PTBP1: variants seen among roughly 807,000 people sequenced by gnomAD.
PTBP1 encodes polypyrimidine tract binding protein 1, also known as polypyrimidine tract-binding protein 1.
Under a neutral mutation model 59.8 loss-of-function variants are expected in PTBP1, and 8 were observed. That is an observed-to-expected ratio of 0.13 (90% CI 0.08 to 0.24). The LOEUF (loss-of-function observed/expected upper bound fraction) is 0.24. PTBP1 is among the 10% of genes least tolerant of loss of function. The pLI is 1.00. For missense variants in PTBP1, 686 were observed against 767.0 expected (o/e 0.89, Z 1.25); for synonymous variants, 490 against 320.7 (o/e 1.53, Z -5.64).
Position 808,668 on chromosome 19 carries a change from G to A in PTBP1, c.1369G>A (p.Gly457Ser), listed in dbSNP as rs758037603. 9.9e-6 allele frequency: 16 copies of A among 1,612,466 alleles called. 1 individual carries two copies. Among genetic ancestry groups the A allele is most frequent in the African/African-American group, 6.7e-5 (5 of 74,914 alleles). The change falls in exon 13 of 15, where the codon GGC (glycine) becomes AGC (serine). Residue 457 changes from glycine (G) to serine (S), a missense_variant. Transcript: ENST00000356948. This position sits in a 1 kb window ranked among gnomAD's most constrained non-coding sequence, Gnocchi z 4.7. ...QEDQGLTKDY[G>S]NSPLHRFKKP... is the part of the protein sequence containing the mutation. ...GGACCAGGGCCTGACCAAGGACTAC[G>A]GCAACTCACCCCTGCACCGCTTCAA...
In PTBP1 at chr19:808,613, G is replaced by T. The variant is rs200590392; in HGVS notation, c.1314G>T (p.Gln438His). ...KPIRITLSKH[Q>H]NVQLPREGQE... ...TCCGCATCACGCTCTCGAAGCACCA[G>T]AACGTGCAGCTGCCCCGCGAGGGCC... The change falls in exon 13 of 15, where the codon CAG (glutamine) becomes CAT (histidine). Residue 438 changes from glutamine to histidine, a missense_variant. Gln to His is a conservative substitution (Grantham distance 24). Coordinates refer to ENST00000356948, the MANE Select transcript of PTBP1 (RefSeq NM_002819.5). The surrounding 1 kb of genome is among the most constrained non-coding windows in gnomAD (Gnocchi z 4.7). 28 of 1,609,924 alleles carry T rather than the reference G, an allele frequency of 1.7e-5. No homozygotes were observed. Among genetic ancestry groups the T allele is most frequent in the Non-Finnish European group, 2.4e-5 (28 of 1,179,350 alleles).
chr19:805,207 G>A lies in PTBP1; in HGVS notation c.892+20G>A, dbSNP rs369478306. On this transcript the variant is annotated intron_variant, in intron 8 of 14. Coordinates refer to ENST00000356948, the MANE Select transcript of PTBP1 (RefSeq NM_002819.5). The stretch of plus-strand genomic sequence containing the variant: ...CCTTCGGTAAGAGGCTGCCCGACGC[G>A]GCGCCAGTGTGCAGAGTGGTCTATT... 31 of 1,611,570 alleles carry A rather than the reference G, an allele frequency of 1.9e-5. No homozygotes were observed. Among genetic ancestry groups the A allele is most frequent in the East Asian group, 4.5e-5 (2 of 44,848 alleles).
At chr19:805,948 G>T (rs991308731) in intron 9 of PTBP1, 4 of 294,720 alleles carry the variant, frequency 1.4e-5, no homozygotes, top group Non-Finnish European at 1.3e-5. Context: ...GCGGCGGGAC[G>T]TGTGTGCGTG....
rs1173000323 is a variant in PTBP1, at chr19:799,407, C to G, written c.9-6C>G. 2 of 1,613,850 alleles carry G rather than the reference C, an allele frequency of 1.2e-6. No homozygotes were observed. The highest frequency in any genetic ancestry group is 1.7e-5 in the Admixed American group (1 of 60,022). ...CTAACGTTGTCTCCTTTCTTTCTCT[C>G]TACAGCATTGTCCCAGATATAGCCG... On this transcript the variant is annotated splice_polypyrimidine_tract_variant and splice_region_variant and intron_variant, in intron 1 of 14. Transcript: ENST00000356948.
rs1371001202 is a variant in PTBP1 at position 811,096 on chromosome 19, G to C, written c.*270G>C. The C allele has an allele frequency of 5.6e-6, 2 of 358,262 alleles. No homozygotes were observed. Among genetic ancestry groups the C allele is most frequent in the African/African-American group, 4.2e-5 (2 of 47,080 alleles). The allele number at this position is 358,262 out of a possible 1,614,324, so 22.2% of individuals were successfully genotyped here. ...AGACCCTCGGGGCCATGCCTTGGTG[G>C]GGCCTGTGTCGGGCGTGGGGCCTGC... is the stretch of plus-strand genomic sequence containing the variant. On this transcript the variant is annotated 3_prime_UTR_variant, in exon 15 of 15. Coordinates refer to ENST00000356948, the MANE Select transcript of PTBP1 (RefSeq NM_002819.5).
intron 1 of PTBP1, among the ~76,000 whole-genome samples, chr19:798,912 G>A (rs2034201757): frequency 6.6e-6 from 1 of 152,224 alleles, no homozygotes; most frequent in African/African-American, 2.4e-5. Context: ...TTCCACGGCC[G>A]CCTCCTGCTC....
At chr19:802,915 C>T (rs898689528) in intron 2 of PTBP1, among the ~76,000 whole-genome samples, 3 of 152,236 alleles carry the variant, frequency 2.0e-5, no homozygotes, top group Non-Finnish European at 4.4e-5. Context: ...CTGTGGAGCT[C>T]CCCCGGCCCT....
At chr19:801,829 C>T (rs991353562) in intron 2 of PTBP1, among the ~76,000 whole-genome samples, 2 of 152,174 alleles carry the variant, frequency 1.3e-5, no homozygotes, top group Non-Finnish European at 2.9e-5. Flanking sequence ...GCTCTGACCC[C>T]TTTCCCCTGG....
chr19:803,636 G>C lies in PTBP1; in HGVS notation c.115G>C (p.Ala39Pro). 1.9e-6 allele frequency: 3 copies of C among 1,613,982 alleles called. No individual in the cohort carries two copies. The highest frequency in any genetic ancestry group is 2.5e-6 in the Non-Finnish European group (3 of 1,179,832). Reference sequence around the variant, plus strand: ...CATGAGCAGCAACTCGGCTTCTGCAGGTAAGGCCGGGACTCGGCCCAGGGC... The same window carrying C: ...CATGAGCAGCAACTCGGCTTCTGCACGTAAGGCCGGGACTCGGCCCAGGGC... ...FIMSSNSASA[A>P]NGNDSKKFKG... Residue 39 changes from alanine (A) to proline (P), a missense_variant and splice_region_variant, in exon 3 of 15, where the codon GCA (alanine) becomes CCA (proline). Ala to Pro is a conservative substitution (Grantham distance 27, BLOSUM62 -1). Coordinates refer to ENST00000356948, the MANE Select transcript of PTBP1 (RefSeq NM_002819.5).
rs199895783 is a variant in PTBP1, at chr19:799,469, C to T, written c.39+26C>T. ...GTAGGCACTTCTCACTTTGCTTCTC[C>T]GTGACGCTCCTCTGACCTTGTGCCG... On this transcript the variant is annotated intron_variant, in intron 2 of 14. Transcript: ENST00000356948. 5.0e-5 allele frequency: 81 copies of T among 1,612,462 alleles called. No homozygotes were observed. The African/African-American group carries it at 8.9e-4, about 18-fold the overall frequency.
At position 810,944 on chromosome 19, in the gene PTBP1, G is replaced by A. The variant is rs983269232; in HGVS notation, c.*118G>A. 9.0e-7 allele frequency: 1 copy of A among 1,113,562 alleles called. No homozygotes were observed. Among genetic ancestry groups the A allele is most frequent in the African/African-American group, 1.6e-5 (1 of 61,030 alleles). The allele number at this position is 1,113,562 out of a possible 1,614,324, so 69.0% of individuals were successfully genotyped here. A position where few individuals can be genotyped will look rare whatever the true frequency, so the allele number is the denominator to read the frequency against. On this transcript the variant is annotated 3_prime_UTR_variant, in exon 15 of 15. Coordinates refer to ENST00000356948, the MANE Select transcript of PTBP1 (RefSeq NM_002819.5). Reference sequence around the variant, plus strand: ...ACCAGAGATTTTATTTTTTTAAAGAGAAATCAGTTTACCTGTTTTTAAAAA... The same window carrying A: ...ACCAGAGATTTTATTTTTTTAAAGAAAAATCAGTTTACCTGTTTTTAAAAA...
chr19:799,280 G>T (rs776154887), intron 1 of PTBP1, 133 bp from the exon 2 acceptor site: 77 of 836,198 alleles, frequency 9.2e-5, no homozygotes, highest in Non-Finnish European at 1.5e-4. Flanking sequence ...GCGGGGCCTC[G>T]TGCAGCCAGA....
rs937525273 is a variant in PTBP1 at position 811,160 on chromosome 19, T to A, written c.*334T>A. ...GACCACGACTTGGCTTCCTTGTGCC[T>A]TAAAAAACCTGCCTTCCTGCAGCCA... On this transcript the variant is annotated 3_prime_UTR_variant, in exon 15 of 15. Coordinates refer to ENST00000356948, the MANE Select transcript of PTBP1 (RefSeq NM_002819.5). 2.8e-5 allele frequency: 6 copies of A among 211,060 alleles called. No individual in the cohort carries two copies. The highest frequency in any genetic ancestry group is 6.0e-5 in the Admixed American group (1 of 16,690). 13.1% of individuals were successfully genotyped at this position (211,060 alleles called of 1,614,324 possible). A position where few individuals can be genotyped will look rare whatever the true frequency, so the allele number is the denominator to read the frequency against.
intron 1 of PTBP1, among the ~76,000 whole-genome samples, chr19:797,871 C>A (rs2034142790): frequency 6.7e-6 from 1 of 148,902 alleles, no homozygotes; most frequent in Admixed American, 6.7e-5. Flanking sequence ...GATGGCCCTT[C>A]CCGCCTCCCG....
At chr19:803,866 AG>A (rs1568267200) in intron 3 of PTBP1, among the ~76,000 whole-genome samples, 169 bp from the exon 4 acceptor site, 1 of 152,182 alleles carries the variant, frequency 6.6e-6, no homozygotes, top group Admixed American at 6.5e-5. Flanking sequence ...TGTCGGGAGC[AG>A]GGGTCCTGAC....
chr19:810,470 G>A, intron 13 of PTBP1, 73 bp from the exon 14 acceptor site: 1 of 1,340,730 alleles, frequency 7.5e-7, no homozygotes. Context: ...CTAGTCTGGG[G>A]AAAGCCTCGC....
chr19:809,307 CATTTATTT>C (rs77656557), intron 13 of PTBP1, among the ~76,000 whole-genome samples: 18 of 148,846 alleles, frequency 1.2e-4, no homozygotes, highest in South Asian at 2.2e-4. Context: ...CGCCTAGCCA[CATTTATTT>C]ATTTATTTAT....
chr19:808,344 C>A lies in PTBP1; in HGVS notation c.1154-16C>A, dbSNP rs538771906. ...AGGCAGCAGGAGACTCAGGCCCCAT[C>A]CCTGGGCTTTTGAAGGCGTCTACGG... On this transcript the variant is annotated splice_polypyrimidine_tract_variant and intron_variant, in intron 11 of 14. Transcript: ENST00000356948. The surrounding 1 kb of genome is among the most constrained non-coding windows in gnomAD (Gnocchi z 4.7). 1.1e-4 allele frequency: 176 copies of A among 1,577,596 alleles called. 1 individual carries two copies. In the South Asian group the frequency reaches 1.7e-3, roughly 15 times the overall value.
intron 1 of PTBP1, 61 bp downstream of exon 1, chr19:797,566 G>A (rs1326408056): frequency 5.7e-6 from 7 of 1,235,560 alleles, no homozygotes; most frequent in Admixed American, 8.4e-5. Context: ...TGCCCCCGCC[G>A]CCGCGCCGGC....
Sources: allele counts gnomAD v4.1 joint callset (sites outside exome capture counted in the v4.1 genomes callset), GRCh38; gene constraint gnomAD v4.1.1; non-coding constraint Gnocchi (gnomAD v3.1); transcripts MANE v1.5; gene names NCBI Gene and HGNC (gene_info 2026-07-23, HGNC 2026-07-21).